The following NR2F2 variants were observed in gnomAD, a reference collection of about 807,000 sequenced individuals.
The protein encoded by NR2F2 is COUP transcription factor 2.
A neutral mutation model predicts 34.8 loss-of-function variants in NR2F2; 2 were observed. The ratio of observed to expected loss-of-function variants is 0.06; its 90% CI spans 0.02 to 0.18. The LOEUF (loss-of-function observed/expected upper bound fraction) is 0.18. NR2F2 is among the 10% of genes least tolerant of loss of function. NR2F2 has a pLI of 1.00. For missense variants in NR2F2, 300 were observed against 580.1 expected (o/e 0.52, Z 4.96); for synonymous variants, 274 against 251.8 (o/e 1.09, Z -0.84).
chr15:96,331,595 C>T lies in NR2F2; in HGVS notation c.-511C>T. Reference sequence around the variant, plus strand: ...CCTCTTCCTCCTCCTCCTCCTCCTCCTCCTCCGCCAACTCCTCGGCTGCAC... The same window carrying T: ...CCTCTTCCTCCTCCTCCTCCTCCTCTTCCTCCGCCAACTCCTCGGCTGCAC... On this transcript the variant is annotated 5_prime_UTR_variant, in exon 1 of 3. Coordinates refer to ENST00000394166, the MANE Select transcript of NR2F2 (RefSeq NM_021005.4). The T allele has an allele frequency of 8.2e-7, 1 of 1,220,502 alleles. No individual in the cohort carries two copies. The highest frequency in any genetic ancestry group is 1.0e-6 in the Non-Finnish European group (1 of 979,922). The allele number at this position is 1,220,502 out of a possible 1,614,324, so 75.6% of individuals were successfully genotyped here. A position where few individuals can be genotyped will look rare whatever the true frequency, so the allele number is the denominator to read the frequency against.
upstream of NR2F2, among the ~76,000 whole-genome samples, chr15:96,327,670 G>C (rs986470305): frequency 1.3e-5 from 2 of 152,198 alleles, no homozygotes; most frequent in African/African-American, 4.8e-5. Flanking sequence ...TTGAGGGAAA[G>C]GAGGAATTCA....
chr15:96,338,301 AAC>A lies in NR2F2; in HGVS notation c.*682_*683del, dbSNP rs1899393738. 2 of 152,628 alleles carry A rather than the reference AAC, an allele frequency of 1.3e-5. No homozygotes were observed. Among genetic ancestry groups the A allele is most frequent in the African/African-American group, 4.8e-5 (2 of 41,458 alleles). 9.5% of individuals were successfully genotyped at this position (152,628 alleles called of 1,614,324 possible). A position where few individuals can be genotyped will look rare whatever the true frequency, so the allele number is the denominator to read the frequency against. The stretch of plus-strand genomic sequence containing the variant: ...TTAGAGAACTGGAGGAACCACATAT[AAC>A]ACTTAACTTCCCCTACCCTGCCCCT... On this transcript the variant is annotated 3_prime_UTR_variant, in exon 3 of 3. Transcript: ENST00000394166.
chr15:96,340,207 G>A lies in NR2F2; in HGVS notation c.*2585G>A, dbSNP rs1000439790. On this transcript the variant is annotated 3_prime_UTR_variant, in exon 3 of 3. Transcript: ENST00000394166. ...GTTAGTTTATTGTAAACAGCCATTT[G>A]TTGTAAATTATTATTGGCATTAAAT... The A allele has an allele frequency of 5.9e-5, 9 of 152,098 alleles. No homozygotes were observed. The highest frequency in any genetic ancestry group is 1.3e-4 in the Non-Finnish European group (9 of 68,006). The allele number at this position is 152,098 out of a possible 1,614,324, so 9.4% of individuals were successfully genotyped here.
rs935438067 is a variant in NR2F2, at chr15:96,337,801, T to G, written c.*179T>G. ...AAAAAAAAAAAAAAAGACTGTCAAA[T>G]GAACTTTTACAGAATGCATTAAAAA... On this transcript the variant is annotated 3_prime_UTR_variant, in exon 3 of 3. Coordinates refer to ENST00000394166, the MANE Select transcript of NR2F2 (RefSeq NM_021005.4). 2.0e-5 allele frequency: 7 copies of G among 353,790 alleles called. No homozygotes were observed. Among genetic ancestry groups the G allele is most frequent in the African/African-American group, 1.6e-4 (7 of 43,486 alleles). The allele number at this position is 353,790 out of a possible 1,614,324, so 21.9% of individuals were successfully genotyped here. A position where few individuals can be genotyped will look rare whatever the true frequency, so the allele number is the denominator to read the frequency against.
chr15:96,326,375 T>TTC (rs749877354), upstream of NR2F2: 6 of 1,603,922 alleles, frequency 3.7e-6, no homozygotes, highest in South Asian at 2.2e-5. This position sits in a 1 kb window ranked among gnomAD's most constrained non-coding sequence, Gnocchi z 5.5. Context: ...ACAGTATTTT[T>TTC]TCTCTCTCTC....
At position 96,332,513 on chromosome 15, in the gene NR2F2, C is replaced by T; in HGVS notation, c.408C>T (p.Leu136=). 1 of 1,613,350 alleles carries T rather than the reference C, an allele frequency of 6.2e-7. No individual in the cohort carries two copies. Residue 136 remains leucine, a synonymous_variant, in exon 1 of 3, where the codon CTC becomes CTT. Coordinates refer to ENST00000394166, the MANE Select transcript of NR2F2 (RefSeq NM_021005.4). The part of the protein sequence containing the change: ...HHRNQCQYCR[L]KKCLKVGMRR... The stretch of plus-strand genomic sequence containing the variant: ...GCAACCAGTGCCAGTACTGCCGCCT[C>T]AAAAAGTGCCTCAAAGTGGGCATGA...
chr15:96,335,829 T>C (rs934713472), intron 2 of NR2F2, among the ~76,000 whole-genome samples: 9 of 152,358 alleles, frequency 5.9e-5, no homozygotes, highest in Non-Finnish European at 1.2e-4. Context: ...TGCTGTCTTG[T>C]ACATTGCTGC....
chr15:96,332,750 A>T, intron 1 of NR2F2: 1 of 1,186,240 alleles, frequency 8.4e-7, no homozygotes, highest in Non-Finnish European at 1.1e-6. Context: ...TTCCTTCTTT[A>T]CTCTCTCTTT....
chr15:96,332,581 G>T (rs1899177638), intron 1 of NR2F2, 34 bp downstream of exon 1: 1 of 1,595,790 alleles, frequency 6.3e-7, no homozygotes, highest in Non-Finnish European at 8.6e-7. Context: ...CCCTCGTCCT[G>T]GGTCCCGGGG....
chr15:96,335,879 T>C (rs1899310737), intron 2 of NR2F2, among the ~76,000 whole-genome samples: 2 of 152,250 alleles, frequency 1.3e-5, no homozygotes, highest in Non-Finnish European at 2.9e-5. Flanking sequence ...CCCCAAATTC[T>C]GCCTTTGGAA....
upstream of NR2F2, among the ~76,000 whole-genome samples, chr15:96,330,557 G>A (rs144793636): frequency 3.2e-3 from 473 of 149,310 alleles, 2 homozygotes; most frequent in African/African-American, 0.011. Context: ...GGCCAATGAC[G>A]GCGAGGGGGC....
intron 1 of NR2F2, 98 bp downstream of exon 1, chr15:96,332,645 CTT>C: frequency 6.7e-7 from 1 of 1,503,096 alleles, no homozygotes; most frequent in Non-Finnish European, 8.9e-7. Flanking sequence ...GCCCCAAGCT[CTT>C]CTCTTCGTAT....
chr15:96,334,631 C>T, intron 2 of NR2F2, 28 bp downstream of exon 2: 1 of 1,560,566 alleles, frequency 6.4e-7, no homozygotes, highest in South Asian at 1.2e-5. Flanking sequence ...CTTCTCGTGC[C>T]CACGGGCTCC....
upstream of NR2F2, among the ~76,000 whole-genome samples, chr15:96,329,119 G>A (rs959818439): frequency 6.6e-6 from 1 of 151,880 alleles, no homozygotes; most frequent in Non-Finnish European, 1.5e-5. Context: ...CTGGAGCTCA[G>A]CGTCTTTTGT....
At chr15:96,332,746 C>CT in intron 1 of NR2F2, 199 bp downstream of exon 1, 1 of 1,206,866 alleles carries the variant, frequency 8.3e-7, no homozygotes, top group Non-Finnish European at 1.1e-6. Flanking sequence ...TGATTTCCTT[C>CT]TTTACTCTCT....
At chr15:96,335,181 A>G (rs752454871) in intron 2 of NR2F2, among the ~76,000 whole-genome samples, 31 of 152,252 alleles carry the variant, frequency 2.0e-4, no homozygotes, top group Non-Finnish European at 3.7e-4. Context: ...GGATGGGGCA[A>G]CAGGAGGAAA....
chr15:96,333,048 G>C (rs1899198752), intron 1 of NR2F2: 1 of 154,924 alleles, frequency 6.5e-6, no homozygotes, highest in Admixed American at 6.6e-5. Flanking sequence ...CCCGGGCAGC[G>C]CTCATGTGAC....
chr15:96,333,824 TCCTCGGCGGACCAGCCCCGAGCGGG>T, intron 1 of NR2F2: 1 of 1,405,328 alleles, frequency 7.1e-7, no homozygotes, highest in East Asian at 2.5e-5. Context: ...CAATTCTGGG[TCCTCGGCGGACCAGCCCCGAGCGGG>T]CCTCGGAGGC....
At chr15:96,334,753 C>T (rs776894689) in intron 2 of NR2F2, 150 bp downstream of exon 2, 28 of 788,656 alleles carry the variant, frequency 3.6e-5, no homozygotes, top group South Asian at 7.6e-5. Flanking sequence ...TTTATAGCTG[C>T]TGGGCACTAC....
Sources: gnomAD v4.1 joint callset for allele counts (sites outside exome capture counted in the v4.1 genomes callset) on GRCh38, gnomAD v4.1.1 for gene constraint, Gnocchi (gnomAD v3.1) non-coding constraint, MANE v1.5 for transcripts, NCBI Gene and HGNC (gene_info 2026-07-23, HGNC 2026-07-21) for gene names.